ATP6V0D2: variants seen among roughly 807,000 people sequenced by gnomAD.
The protein encoded by ATP6V0D2 is V-type proton ATPase subunit d 2.
A neutral mutation model predicts 40.0 loss-of-function variants in ATP6V0D2; 40 were observed. That is an observed-to-expected ratio of 1.00 (90% CI 0.78 to 1.30). The LOEUF is 1.30. Ranked by LOEUF, ATP6V0D2 falls within the 50% of genes most tolerant of loss-of-function variation. The pLI is 0.00. For missense variants in ATP6V0D2, 470 were observed against 423.1 expected, an observed-to-expected ratio of 1.11 and a Z score of -0.97; for synonymous variants, 179 against 156.3, an observed-to-expected ratio of 1.15 and a Z score of -1.08.
intron 5 of ATP6V0D2, among the ~76,000 whole-genome samples, chr8:86,145,259 A>AGAGAG (rs1563566192): frequency 1.0e-4 from 5 of 49,260 alleles, no homozygotes; most frequent in Admixed American, 2.5e-4. Flanking sequence ...GAGAGAGAGA[A>AGAGAG]AGAAAGAAAG....
chr8:86,132,616 A>C (rs1047444567), intron 2 of ATP6V0D2, among the ~76,000 whole-genome samples: 1 of 152,126 alleles, frequency 6.6e-6, no homozygotes, highest in Non-Finnish European at 1.5e-5. Context: ...TTTACTTAAC[A>C]TATTGACCTG....
At chr8:86,145,803 A>G (rs1421363531) in intron 5 of ATP6V0D2, among the ~76,000 whole-genome samples, 2 of 152,236 alleles carry the variant, frequency 1.3e-5, no homozygotes, top group Non-Finnish European at 2.9e-5. Context: ...AATATGTGAA[A>G]TAAAAGTTAT....
chr8:86,117,556 G>T (rs1327089918), intron 2 of ATP6V0D2, among the ~76,000 whole-genome samples: 2 of 152,186 alleles, frequency 1.3e-5, no homozygotes, highest in Admixed American at 6.5e-5. Flanking sequence ...GCCATACTCA[G>T]TCCTCCTATC....
intron 1 of ATP6V0D2, among the ~76,000 whole-genome samples, chr8:86,101,699 C>A (rs2130221988): frequency 6.6e-6 from 1 of 152,190 alleles, no homozygotes; most frequent in African/African-American, 2.4e-5. Flanking sequence ...GTTTCAATCC[C>A]TCTCAAAGAC....
chr8:86,146,597 G>C (rs757310466), intron 5 of ATP6V0D2, among the ~76,000 whole-genome samples: 2 of 152,178 alleles, frequency 1.3e-5, no homozygotes, highest in Non-Finnish European at 2.9e-5. Context: ...TCAGGAGGCT[G>C]AGGTGGGAAG....
rs763887579 is a variant in ATP6V0D2 at position 86,098,992 on chromosome 8, C to A, written c.14C>A (p.Ala5Glu). 1.9e-6 allele frequency: 3 copies of A among 1,613,812 alleles called. No individual in the cohort carries two copies. The highest frequency in any genetic ancestry group is 1.7e-6 in the Non-Finnish European group (2 of 1,179,878). ...ATCTCTTCCCCCATGCTCGAAGGTG[C>A]GGAGCTGTACTTCAACGTGGACCAT... is the stretch of plus-strand genomic sequence containing the variant. MLEG[A>E]ELYFNVDHGY... Residue 5 changes from alanine (A) to glutamate (E), a missense_variant, in exon 1 of 8, where the codon GCG becomes GAG. Ala to Glu is a moderately radical substitution (Grantham distance 107). Coordinates refer to ENST00000285393, the MANE Select transcript of ATP6V0D2 (RefSeq NM_152565.1).
intron 1 of ATP6V0D2, among the ~76,000 whole-genome samples, chr8:86,111,514 C>T (rs1818527558): frequency 1.3e-5 from 2 of 152,142 alleles, no homozygotes; most frequent in Non-Finnish European, 2.9e-5. Flanking sequence ...GATTCTATGT[C>T]TTAGCTATTG....
chr8:86,108,804 T>C lies in ATP6V0D2; in HGVS notation c.131-4905T>C, dbSNP rs909632775. Among the ~76,000 whole-genome samples, 29 of 152,282 alleles carry C rather than the reference T, an allele frequency of 1.9e-4. 1 individual carries two copies. The highest frequency in any genetic ancestry group is 1.0e-3 in the Admixed American group (16 of 15,302). ...ATAACCATGAAGTCTAACTTCCCTA[T>C]AGCCAAGTGATCTCAGATAATTCCC... is the stretch of plus-strand genomic sequence containing the variant. On this transcript the variant is annotated intron_variant, in intron 1 of 7. Coordinates refer to ENST00000285393, the MANE Select transcript of ATP6V0D2 (RefSeq NM_152565.1).
chr8:86,130,799 C>T (rs1818813541), intron 2 of ATP6V0D2, among the ~76,000 whole-genome samples: 1 of 152,148 alleles, frequency 6.6e-6, no homozygotes, highest in Admixed American at 6.5e-5. Context: ...CCTCTGTCCT[C>T]TTCCCCATGT....
chr8:86,112,833 G>A (rs534104660), intron 1 of ATP6V0D2, among the ~76,000 whole-genome samples: 5 of 152,230 alleles, frequency 3.3e-5, no homozygotes, highest in African/African-American at 1.2e-4. Flanking sequence ...GCATGGTCTG[G>A]TGGAAACGAT....
chr8:86,141,639 C>T (rs1342602772), intron 4 of ATP6V0D2, 110 bp downstream of exon 4: 3 of 736,058 alleles, frequency 4.1e-6, no homozygotes, highest in African/African-American at 3.6e-5. Context: ...AATTATGAAA[C>T]TGTGCATATT....
At chr8:86,119,507 G>A (rs922933189) in intron 2 of ATP6V0D2, among the ~76,000 whole-genome samples, 3 of 152,170 alleles carry the variant, frequency 2.0e-5, no homozygotes, top group Admixed American at 1.3e-4. Context: ...GGGATTACAG[G>A]CAGGAGCCAC....
At chr8:86,127,669 C>T (rs996817687) in intron 2 of ATP6V0D2, among the ~76,000 whole-genome samples, 2 of 152,096 alleles carry the variant, frequency 1.3e-5, no homozygotes, top group African/African-American at 2.4e-5. Flanking sequence ...AGCGATCCGC[C>T]TGCCTTGGCT....
At chr8:86,119,797 A>G (rs1818644838) in intron 2 of ATP6V0D2, among the ~76,000 whole-genome samples, 1 of 152,172 alleles carries the variant, frequency 6.6e-6, no homozygotes, top group African/African-American at 2.4e-5. Context: ...ACTAAAGGAT[A>G]TATTTTAATT....
At chr8:86,148,864 G>T (rs898184563) in intron 5 of ATP6V0D2, among the ~76,000 whole-genome samples, 5 of 151,678 alleles carry the variant, frequency 3.3e-5, no homozygotes, top group Admixed American at 6.6e-5. Flanking sequence ...TTGAGCCTAG[G>T]AGTTCAAGAC....
At chr8:86,115,321 T>A (rs544346449) in intron 2 of ATP6V0D2, among the ~76,000 whole-genome samples, 14 of 150,372 alleles carry the variant, frequency 9.3e-5, no homozygotes, top group Non-Finnish European at 1.8e-4. Flanking sequence ...ATACTCCCTC[T>A]ATCCTTCTAT....
At chr8:86,130,406 A>G (rs569383780) in intron 2 of ATP6V0D2, among the ~76,000 whole-genome samples, 1 of 152,084 alleles carries the variant, frequency 6.6e-6, no homozygotes, top group East Asian at 1.9e-4. Flanking sequence ...GTATATGGAA[A>G]CTCTCTGTAC....
At chr8:86,126,028 C>A (rs1219981442) in intron 2 of ATP6V0D2, among the ~76,000 whole-genome samples, 1 of 149,986 alleles carries the variant, frequency 6.7e-6, no homozygotes, top group Non-Finnish European at 1.5e-5. Context: ...ACCTCCACCT[C>A]CTGAGTTTTA....
intron 2 of ATP6V0D2, among the ~76,000 whole-genome samples, chr8:86,116,110 A>G (rs1818589077): frequency 6.6e-6 from 1 of 152,250 alleles, no homozygotes; most frequent in Non-Finnish European, 1.5e-5. Flanking sequence ...ACATGATTAC[A>G]ATCTTTCAAG....
Sources: allele counts gnomAD v4.1 joint callset (sites outside exome capture counted in the v4.1 genomes callset), GRCh38; gene constraint gnomAD v4.1.1; transcripts MANE v1.5; gene names NCBI Gene and HGNC (gene_info 2026-07-23, HGNC 2026-07-21).